BAZ2B: variants seen among roughly 807,000 people sequenced by gnomAD.
BAZ2B encodes the protein bromodomain adjacent to zinc finger domain 2B, also known as bromodomain adjacent to zinc finger domain protein 2B.
In BAZ2B, 91 loss-of-function variants were observed where a neutral mutation model predicts 246.0. The ratio of observed to expected loss-of-function variants is 0.37; its 90% CI spans 0.31 to 0.44. The LOEUF is 0.44. BAZ2B is among the 20% of genes least tolerant of loss of function. The pLI is 1.00. For missense variants in BAZ2B, 2,332 were observed against 2,533.7 expected, an observed-to-expected ratio of 0.92 and a Z score of 1.71; for synonymous variants, 855 against 860.0, an observed-to-expected ratio of 0.99 and a Z score of 0.10.
chr2:159,542,479 T>C (rs762045792), intron 2 of BAZ2B, among the ~76,000 whole-genome samples: 7 of 151,912 alleles, frequency 4.6e-5, no homozygotes, highest in Non-Finnish European at 1.0e-4. Context: ...GAATCTTCAA[T>C]AAGATTAATA....
intron 1 of BAZ2B, among the ~76,000 whole-genome samples, chr2:159,574,553 T>TA (rs1025774356): frequency 6.6e-6 from 1 of 152,088 alleles, no homozygotes; most frequent in Non-Finnish European, 1.5e-5. Flanking sequence ...CATATGTCCA[T>TA]AAAAAAACCT....
At chr2:159,390,934 C>T (rs2063258430) in intron 20 of BAZ2B, among the ~76,000 whole-genome samples, 2 of 151,978 alleles carry the variant, frequency 1.3e-5, no homozygotes, top group South Asian at 4.2e-4. Context: ...CAATTATAAA[C>T]CAAAAAGCAG....
At chr2:159,608,312 C>T (rs1693972369) in intron 1 of BAZ2B, among the ~76,000 whole-genome samples, 1 of 152,186 alleles carries the variant, frequency 6.6e-6, no homozygotes, top group Non-Finnish European at 1.5e-5. Flanking sequence ...GAGGTTGAAG[C>T]TGCAGTAAAC....
chr2:159,535,527 A>C (rs1334655778), intron 2 of BAZ2B, among the ~76,000 whole-genome samples: 1 of 152,242 alleles, frequency 6.6e-6, no homozygotes, highest in Non-Finnish European at 1.5e-5. Flanking sequence ...TCTGTCTCAA[A>C]AAGAAAAGAA....
At chr2:159,540,277 C>A (rs2086505872) in intron 2 of BAZ2B, among the ~76,000 whole-genome samples, 1 of 152,162 alleles carries the variant, frequency 6.6e-6, no homozygotes. Flanking sequence ...AAAATTCCTA[C>A]CTAGGAATGT....
At chr2:159,559,693 G>T (rs370794337) in intron 1 of BAZ2B, among the ~76,000 whole-genome samples, 1 of 152,088 alleles carries the variant, frequency 6.6e-6, no homozygotes, top group Non-Finnish European at 1.5e-5. Flanking sequence ...AAAAATATGT[G>T]AAATTAAAAT....
upstream of BAZ2B, among the ~76,000 whole-genome samples, chr2:159,620,591 A>G (rs564895157): frequency 6.6e-6 from 1 of 152,326 alleles, no homozygotes; most frequent in South Asian, 2.1e-4. Context: ...CATCTCAAAT[A>G]CTGAGAGCTT....
the BAZ2B span, among the ~76,000 whole-genome samples, chr2:159,622,777 T>C: frequency 2.0e-5 from 3 of 150,778 alleles, no homozygotes; most frequent in Admixed American, 6.6e-5. Context: ...CTTTGAGAGG[T>C]TGAGGCAGGC....
intron 31 of BAZ2B, among the ~76,000 whole-genome samples, chr2:159,343,476 T>A (rs2067124589): frequency 6.6e-6 from 1 of 152,114 alleles, no homozygotes; most frequent in Non-Finnish European, 1.5e-5. Context: ...CAAAATGGGC[T>A]AAAATATTTG....
chr2:159,590,755 G>A (rs937541541), intron 1 of BAZ2B, among the ~76,000 whole-genome samples: 1 of 152,126 alleles, frequency 6.6e-6, no homozygotes, highest in African/African-American at 2.4e-5. Flanking sequence ...GGTGGGCACG[G>A]TAGAATGGAA....
intron 2 of BAZ2B, among the ~76,000 whole-genome samples, chr2:159,533,821 T>A (rs1330741074): frequency 6.6e-6 from 1 of 152,196 alleles, no homozygotes; most frequent in African/African-American, 2.4e-5. Context: ...AGTTTCCATG[T>A]TTAAGCATAT....
At position 159,439,214 on chromosome 2, in the gene BAZ2B, T is replaced by C. The variant is rs1156877892; in HGVS notation, c.697-2A>G. 1.9e-6 allele frequency: 3 copies of C among 1,612,326 alleles called. No homozygotes were observed. Reference sequence around the variant, plus strand: ...TTCCATTGCTTTCTTCCTTGGTTTCTGGATAACGACAAGGTAGTTGGCAAG... The same window carrying C: ...TTCCATTGCTTTCTTCCTTGGTTTCCGGATAACGACAAGGTAGTTGGCAAG... On this transcript the variant is annotated splice_acceptor_variant, in intron 6 of 36. Transcript: ENST00000392783. LOFTEE classifies it high-confidence loss of function.
Position 159,404,865 on chromosome 2 carries a change from T to A in BAZ2B, c.2816A>T (p.Lys939Met), listed in dbSNP as rs1402474298. 37 of 1,612,950 alleles carry A rather than the reference T, an allele frequency of 2.3e-5. No homozygotes were observed. Among genetic ancestry groups the A allele is most frequent in the Non-Finnish European group, 3.0e-5 (35 of 1,179,876 alleles). ...EEKRKQKEQI[K>M]IMKQQEKIKR... is the part of the protein sequence containing the mutation. ...TACACATACCTGCTGTTTCATAATC[T>A]TTATCTGTTCTTTTTGCTTCCGCTT... Residue 939 changes from lysine to methionine, a missense_variant, in exon 16 of 37, where the codon AAG becomes ATG. Transcript: ENST00000392783.
intron 2 of BAZ2B, among the ~76,000 whole-genome samples, chr2:159,534,361 G>A (rs1396826079): frequency 6.6e-6 from 1 of 152,110 alleles, no homozygotes; most frequent in East Asian, 1.9e-4. Flanking sequence ...TTATTTCTAG[G>A]CTACAAACCT....
chr2:159,543,370 C>T (rs978036083), intron 2 of BAZ2B, among the ~76,000 whole-genome samples: 1 of 151,814 alleles, frequency 6.6e-6, no homozygotes, highest in Non-Finnish European at 1.5e-5. Context: ...TTTAGCAAAT[C>T]CTTTATTATC....
At chr2:159,620,377 C>T (rs749332653), upstream of BAZ2B, among the ~76,000 whole-genome samples, 7 of 152,228 alleles carry the variant, frequency 4.6e-5, no homozygotes, top group East Asian at 9.6e-4. Flanking sequence ...ATATGCTACG[C>T]GCTATGCTAG....
chr2:159,323,656 T>C (rs2063034199), intron 36 of BAZ2B, among the ~76,000 whole-genome samples: 1 of 151,898 alleles, frequency 6.6e-6, no homozygotes, highest in Admixed American at 6.6e-5. Context: ...TACAAAAAAT[T>C]AGCCAGGCAT....
chr2:159,490,993 C>A (rs990144486), intron 2 of BAZ2B, among the ~76,000 whole-genome samples: 1 of 152,106 alleles, frequency 6.6e-6, no homozygotes, highest in African/African-American at 2.4e-5. Context: ...CCAAAAACAG[C>A]TTTTTCAGAA....
At chr2:159,362,166 G>GA (rs11354532) in intron 27 of BAZ2B, among the ~76,000 whole-genome samples, 2 of 151,538 alleles carry the variant, frequency 1.3e-5, no homozygotes, top group African/African-American at 2.4e-5. Flanking sequence ...AACTGGACTG[G>GA]AAAAAAAAAT....
Sources: allele counts gnomAD v4.1 joint callset (sites outside exome capture counted in the v4.1 genomes callset), GRCh38; gene constraint gnomAD v4.1.1; transcripts MANE v1.5; gene names NCBI Gene and HGNC (gene_info 2026-07-23, HGNC 2026-07-21).